CFAP61: variants seen among roughly 807,000 people sequenced by gnomAD.
CFAP61 encodes cilia- and flagella-associated protein 61.
A neutral mutation model predicts 135.6 loss-of-function variants in CFAP61; 107 were observed. The ratio of observed to expected loss-of-function variants is 0.79; its 90% CI spans 0.67 to 0.93. CFAP61 has a LOEUF of 0.93. Among genes scored for constraint, CFAP61 ranks in the 40% least tolerant of loss-of-function variants. CFAP61 has a pLI of 0.00. For missense variants in CFAP61, 1,507 were observed against 1,556.2 expected, an observed-to-expected ratio of 0.97 and a Z score of 0.53; for synonymous variants, 575 against 578.5, an observed-to-expected ratio of 0.99 and a Z score of 0.09.
At chr20:20,187,344 A>T (rs2055581514) in intron 13 of CFAP61, among the ~76,000 whole-genome samples, 1 of 152,222 alleles carries the variant, frequency 6.6e-6, no homozygotes, top group Non-Finnish European at 1.5e-5. Flanking sequence ...GGCAGGGAGC[A>T]GGTAGGAGAA....
chr20:20,135,346 A>G (rs1255537810), intron 8 of CFAP61, among the ~76,000 whole-genome samples: 1 of 152,182 alleles, frequency 6.6e-6, no homozygotes, highest in Non-Finnish European at 1.5e-5. Flanking sequence ...AGTGAGTGGT[A>G]ATTTTTTACA....
At chr20:20,356,531 G>A (rs62200220) in intron 26 of CFAP61, among the ~76,000 whole-genome samples, 1 of 108,986 alleles carries the variant, frequency 9.2e-6, no homozygotes, top group Non-Finnish European at 2.1e-5. Flanking sequence ...TGGTCACAGT[G>A]TGAGGGGAGG....
chr20:20,135,355 C>T lies in CFAP61; in HGVS notation c.860-7502C>T, dbSNP rs535123188. 2.6e-5 allele frequency among the ~76,000 whole-genome samples: 4 copies of T among 152,226 alleles called. 1 individual carries two copies. The South Asian group carries it at 6.2e-4, about 24-fold the overall frequency. On this transcript the variant is annotated intron_variant, in intron 8 of 26. Transcript: ENST00000245957. Reference sequence around the variant, plus strand: ...CCACTAAGTGAGTGGTAATTTTTTACAGCAGCAACAGGAAACTAACACAAT... The same window carrying T: ...CCACTAAGTGAGTGGTAATTTTTTATAGCAGCAACAGGAAACTAACACAAT...
In CFAP61 at chr20:20,194,083, G is replaced by T. The variant is rs557562457; in HGVS notation, c.1591-2487G>T. The stretch of plus-strand genomic sequence containing the variant: ...TTTGTATCTGGAATTCTGAAATTTT[G>T]CCAAGAAATATCATGTCTCTTTTGG... On this transcript the variant is annotated intron_variant, in intron 15 of 26. Transcript: ENST00000245957. Among the ~76,000 whole-genome samples the T allele has an allele frequency of 3.3e-5, 5 of 152,080 alleles. No homozygotes were observed. The South Asian group carries it at 8.3e-4, about 25-fold the overall frequency.
intron 25 of CFAP61, among the ~76,000 whole-genome samples, chr20:20,303,480 C>A (rs557825273): frequency 6.6e-6 from 1 of 152,166 alleles, no homozygotes; most frequent in Admixed American, 6.5e-5. Flanking sequence ...CTGAGAGCAC[C>A]GCTGTGCCTT....
chr20:20,193,441 C>T (rs1338835062), intron 15 of CFAP61, among the ~76,000 whole-genome samples: 3 of 151,858 alleles, frequency 2.0e-5, no homozygotes, highest in Non-Finnish European at 4.4e-5. Flanking sequence ...TTTTCTCTTT[C>T]TTAGATTTAT....
intron 13 of CFAP61, among the ~76,000 whole-genome samples, chr20:20,182,244 C>T (rs2055156136): frequency 6.6e-6 from 1 of 152,102 alleles, no homozygotes; most frequent in African/African-American, 2.4e-5. Context: ...GTACGGATGA[C>T]ATAATATATA....
chr20:20,260,675 T>G (rs2052098841), intron 20 of CFAP61, among the ~76,000 whole-genome samples: 1 of 152,248 alleles, frequency 6.6e-6, no homozygotes, highest in African/African-American at 2.4e-5. Context: ...TTCTTTTTTC[T>G]CCTCTTCCTT....
chr20:20,341,440 GAAC>G (rs1338449513), intron 25 of CFAP61, among the ~76,000 whole-genome samples: 1 of 152,194 alleles, frequency 6.6e-6, no homozygotes, highest in East Asian at 1.9e-4. Flanking sequence ...GCTTAATGAT[GAAC>G]AACATTTGTG....
At chr20:20,247,201 A>G (rs1402006434) in intron 19 of CFAP61, among the ~76,000 whole-genome samples, 1 of 152,204 alleles carries the variant, frequency 6.6e-6, no homozygotes, top group Non-Finnish European at 1.5e-5. Context: ...CCAAGAACAC[A>G]TTCTCTCCAT....
chr20:20,250,096 G>A (rs1164162056), intron 19 of CFAP61, among the ~76,000 whole-genome samples: 1 of 152,168 alleles, frequency 6.6e-6, no homozygotes, highest in Non-Finnish European at 1.5e-5. Flanking sequence ...CCTGTAACAA[G>A]GTCTAATATG....
At chr20:20,120,221 C>T (rs983971556) in intron 8 of CFAP61, among the ~76,000 whole-genome samples, 1 of 152,112 alleles carries the variant, frequency 6.6e-6, no homozygotes, top group African/African-American at 2.4e-5. Context: ...TGAGGTACAT[C>T]GTTAAGTTGT....
chr20:20,287,608 C>G (rs2054685037), intron 22 of CFAP61, among the ~76,000 whole-genome samples: 1 of 152,164 alleles, frequency 6.6e-6, no homozygotes, highest in Non-Finnish European at 1.5e-5. Flanking sequence ...TGCCCAAGGA[C>G]AGCTGATGTC....
intron 6 of CFAP61, among the ~76,000 whole-genome samples, chr20:20,087,291 C>T (rs2046875505): frequency 6.6e-6 from 1 of 152,148 alleles, no homozygotes; most frequent in African/African-American, 2.4e-5. Context: ...TGCTCCTTCT[C>T]TCCCCTCCCT....
intron 8 of CFAP61, among the ~76,000 whole-genome samples, chr20:20,133,614 A>G (rs542884524): frequency 6.6e-6 from 1 of 152,338 alleles, no homozygotes; most frequent in African/African-American, 2.4e-5. Flanking sequence ...CCATGTTCAC[A>G]CACAAAAAGA....
chr20:20,109,919 TTTTTGAGACG>T (rs1285805840), intron 8 of CFAP61, among the ~76,000 whole-genome samples: 3 of 152,022 alleles, frequency 2.0e-5, no homozygotes, highest in African/African-American at 7.2e-5. Flanking sequence ...CTTTTTTTTT[TTTTTGAGACG>T]GAGTCTCGCT....
intron 21 of CFAP61, among the ~76,000 whole-genome samples, chr20:20,276,911 C>G (rs547622100): frequency 1.3e-5 from 2 of 152,272 alleles, no homozygotes; most frequent in Admixed American, 1.3e-4. Flanking sequence ...TTTCTTTCAG[C>G]CTAATTTCAA....
chr20:20,125,399 G>C (rs1484934291), intron 8 of CFAP61, among the ~76,000 whole-genome samples: 1 of 151,548 alleles, frequency 6.6e-6, no homozygotes, highest in African/African-American at 2.4e-5. Flanking sequence ...GTATCTCAGA[G>C]GTTTTGATAG....
At chr20:20,128,256 C>T (rs1422466439) in intron 8 of CFAP61, among the ~76,000 whole-genome samples, 2 of 151,726 alleles carry the variant, frequency 1.3e-5, no homozygotes, top group African/African-American at 2.4e-5. Flanking sequence ...TTTCCTTCTC[C>T]CCGTGGTGTT....
Sources: gnomAD v4.1 joint callset for allele counts (sites outside exome capture counted in the v4.1 genomes callset) on GRCh38, gnomAD v4.1.1 for gene constraint, MANE v1.5 for transcripts, NCBI Gene and HGNC (gene_info 2026-07-23, HGNC 2026-07-21) for gene names.